Variants in TRPM3 observed in about 807,000 individuals in gnomAD.
TRPM3 encodes long transient receptor potential channel 3.
A neutral mutation model predicts 181.2 loss-of-function variants in TRPM3; 77 were observed. That is an observed-to-expected ratio of 0.42 (90% CI 0.35 to 0.51). The LOEUF is 0.51. Ranked by LOEUF, TRPM3 falls within the 20% of genes least tolerant of loss-of-function variation. The pLI is 0.01. For missense variants in TRPM3, 1,759 were observed against 2,196.7 expected, an observed-to-expected ratio of 0.80 and a Z score of 3.98; for synonymous variants, 745 against 796.4, an observed-to-expected ratio of 0.94 and a Z score of 1.09.
At chr9:70,767,489 T>C (rs1046973834) in intron 7 of TRPM3, among the ~76,000 whole-genome samples, 1 of 152,208 alleles carries the variant, frequency 6.6e-6, no homozygotes, top group East Asian at 1.9e-4. Flanking sequence ...AATTTATTTA[T>C]GTAAAACAGC....
At chr9:70,968,828 G>C (rs1205274164) in intron 1 of TRPM3, among the ~76,000 whole-genome samples, 1 of 152,042 alleles carries the variant, frequency 6.6e-6, no homozygotes, top group African/African-American at 2.4e-5. Context: ...GCTGAAACTG[G>C]ACCCCTCCCT....
chr9:71,275,830 T>A (rs878962505), intron 1 of TRPM3, among the ~76,000 whole-genome samples: 1 of 146,774 alleles, frequency 6.8e-6, no homozygotes, highest in Admixed American at 7.0e-5. Context: ...TGTAGATCAA[T>A]GGAGAAAGAA....
chr9:70,537,215 C>T lies in TRPM3; in HGVS notation c.3898G>A (p.Asp1300Asn). ...SNKIRSRTSS[D>N]CTDAAYIVRQ... ...ACAATGTAGGCGGCGTCCGTGCAGTCTGACGAGGTCCTCGAGCGGATTTTG... is the reference window on the plus strand; with the variant it reads ...ACAATGTAGGCGGCGTCCGTGCAGTTTGACGAGGTCCTCGAGCGGATTTTG... Residue 1300 changes from aspartate to asparagine, a missense_variant, in exon 26 of 26, where the codon GAC (aspartate) becomes AAC (asparagine). Asp to Asn is a conservative substitution (Grantham distance 23). This residue lies in a region of TRPM3 where 612 missense variants were observed against 590.0 expected (regional missense o/e 1.04). Coordinates refer to ENST00000677713, the MANE Select transcript of TRPM3 (RefSeq NM_001366145.2). 6.3e-7 allele frequency: 1 copy of T among 1,597,752 alleles called. No homozygotes were observed. Among genetic ancestry groups the T allele is most frequent in the Non-Finnish European group, 8.6e-7 (1 of 1,168,196 alleles).
intron 1 of TRPM3, among the ~76,000 whole-genome samples, chr9:70,900,880 T>C (rs1053826279): frequency 1.3e-5 from 2 of 152,250 alleles, no homozygotes; most frequent in African/African-American, 4.8e-5. Flanking sequence ...AAGGGCAATA[T>C]CTTCCTTCTG....
At chr9:70,799,851 C>T (rs2088378289) in intron 6 of TRPM3, among the ~76,000 whole-genome samples, 1 of 152,164 alleles carries the variant, frequency 6.6e-6, no homozygotes, top group African/African-American at 2.4e-5. Flanking sequence ...GTCATTAACT[C>T]CAACAACTTC....
At chr9:71,079,392 C>T (rs1240147835) in intron 1 of TRPM3, among the ~76,000 whole-genome samples, 3 of 152,110 alleles carry the variant, frequency 2.0e-5, no homozygotes, top group Admixed American at 6.6e-5. Flanking sequence ...TTGTGCCAAT[C>T]TTTAAAGGAA....
chr9:71,216,076 A>T (rs1264051857), intron 1 of TRPM3, among the ~76,000 whole-genome samples: 1 of 152,228 alleles, frequency 6.6e-6, no homozygotes, highest in Non-Finnish European at 1.5e-5. Context: ...TTAAGTGAGA[A>T]TCTACTCCTT....
chr9:71,071,464 T>C (rs767301841), intron 1 of TRPM3, among the ~76,000 whole-genome samples: 2 of 152,014 alleles, frequency 1.3e-5, no homozygotes, highest in Non-Finnish European at 2.9e-5. Flanking sequence ...AAATAGCAAA[T>C]GATGAGAGAT....
chr9:70,801,032 T>C (rs571259873), intron 6 of TRPM3, among the ~76,000 whole-genome samples: 3 of 152,296 alleles, frequency 2.0e-5, no homozygotes, highest in East Asian at 3.9e-4. Context: ...CTCTACTGAG[T>C]TGTCTCTCAC....
chr9:71,283,507 T>C (rs2132220002), intron 1 of TRPM3, among the ~76,000 whole-genome samples: 1 of 152,244 alleles, frequency 6.6e-6, no homozygotes, highest in East Asian at 1.9e-4. Context: ...GGTTTCACCG[T>C]GTTAGCCAGG....
chr9:70,955,765 C>G (rs2097061794), intron 1 of TRPM3, among the ~76,000 whole-genome samples: 1 of 152,122 alleles, frequency 6.6e-6, no homozygotes, highest in African/African-American at 2.4e-5. Flanking sequence ...CCCATGAACT[C>G]CAGGTAATTA....
At chr9:70,812,048 A>G (rs940118983) in intron 6 of TRPM3, among the ~76,000 whole-genome samples, 1 of 152,172 alleles carries the variant, frequency 6.6e-6, no homozygotes, top group African/African-American at 2.4e-5. Flanking sequence ...TGGTAATATC[A>G]TATTTCTGGA....
At chr9:71,392,471 A>T (rs12004549) in intron 1 of TRPM3, among the ~76,000 whole-genome samples, 7 of 152,006 alleles carry the variant, frequency 4.6e-5, no homozygotes, top group Non-Finnish European at 8.8e-5. Flanking sequence ...AAGTTCCCCA[A>T]ATTTTGTTGG....
intron 3 of TRPM3, among the ~76,000 whole-genome samples, chr9:70,856,537 G>T (rs1280755557): frequency 6.6e-6 from 1 of 152,080 alleles, no homozygotes; most frequent in Non-Finnish European, 1.5e-5. Flanking sequence ...AATCCTAAAG[G>T]ATATTAAGAG....
chr9:70,783,758 G>C (rs2130843909), intron 7 of TRPM3: 1 of 760,110 alleles, frequency 1.3e-6, no homozygotes, highest in African/African-American at 1.9e-5. Flanking sequence ...GTACAGACTG[G>C]ATGTGCTTCA....
chr9:70,868,985 C>G (rs540557464), intron 1 of TRPM3: 9 of 985,050 alleles, frequency 9.1e-6, no homozygotes, highest in Non-Finnish European at 1.1e-5. Context: ...AATCATTTTA[C>G]CTGAGCACTG....
intron 5 of TRPM3, among the ~76,000 whole-genome samples, chr9:70,836,507 C>T (rs572763332): frequency 9.1e-4 from 138 of 152,280 alleles, no homozygotes; most frequent in Non-Finnish European, 1.7e-3. Context: ...CAGTGATATC[C>T]ATCTTGATGA....
chr9:71,416,507 T>A (rs1390125413), intron 1 of TRPM3, among the ~76,000 whole-genome samples: 1 of 151,870 alleles, frequency 6.6e-6, no homozygotes, highest in African/African-American at 2.4e-5. Flanking sequence ...TATAGCTGGT[T>A]TCCTGGATAA....
chr9:71,027,259 T>C (rs1378270785), intron 1 of TRPM3, among the ~76,000 whole-genome samples: 1 of 152,110 alleles, frequency 6.6e-6, no homozygotes, highest in East Asian at 1.9e-4. Flanking sequence ...ACTGACCACC[T>C]TATACCATCA....
Sources: allele counts gnomAD v4.1 joint callset (sites outside exome capture counted in the v4.1 genomes callset), GRCh38; gene constraint gnomAD v4.1.1; regional missense constraint gnomAD v4.1.1; transcripts MANE v1.5; gene names NCBI Gene and HGNC (gene_info 2026-07-23, HGNC 2026-07-21).